The following ZNF256 variants were observed in gnomAD, a reference collection of about 807,000 sequenced individuals.
ZNF256 encodes the protein bone marrow zinc finger 3.
In ZNF256, 4 loss-of-function variants were observed where a neutral mutation model predicts 7.9. That is an observed-to-expected ratio of 0.50 (90% confidence interval 0.25 to 1.15). ZNF256 has a LOEUF of 1.15. ZNF256 is among the 50% of genes most tolerant of loss of function. The pLI, the probability that ZNF256 is intolerant of heterozygous loss-of-function variation, is 0.15. For missense variants in ZNF256, 666 were observed against 755.9 expected (o/e 0.88, Z 1.39); for synonymous variants, 260 against 260.4 (o/e 1.00, Z 0.02).
Position 57,941,665 on chromosome 19 carries a change from G to T in ZNF256, c.1143C>A (p.Cys381Ter), listed in dbSNP as rs992589178. 1.2e-6 allele frequency: 2 copies of T among 1,613,922 alleles called. No individual in the cohort carries two copies. Among genetic ancestry groups the T allele is most frequent in the Non-Finnish European group, 1.7e-6 (2 of 1,180,020 alleles). The part of the protein sequence containing the change: ...RVHTGTRPYM[C>*]SECGKSFSQS... ...GGCTAAAGGATTTCCCACATTCACT[G>T]CACATATAAGGCCTTGTACCAGTGT... Residue 381 changes from cysteine to a stop codon, truncating the protein, a stop_gained, in exon 3 of 3, where the codon TGC (cysteine) becomes TGA (stop). Coordinates refer to ENST00000282308, the MANE Select transcript of ZNF256 (RefSeq NM_005773.3). LOFTEE classifies it low-confidence loss of function (END_TRUNC).
Position 57,941,883 on chromosome 19 carries a change from C to A in ZNF256, c.925G>T (p.Asp309Tyr). ...ECGKLFNRKY[D>Y]LLIHQRVHTG... is the part of the protein sequence containing the mutation. Reference sequence around the variant, plus strand: ...TGAACTCTCTGATGTATAAGAAGGTCATACTTCCTGTTAAATAATTTTCCA... The same window carrying A: ...TGAACTCTCTGATGTATAAGAAGGTAATACTTCCTGTTAAATAATTTTCCA... The change falls in exon 3 of 3, where the codon GAC (aspartate) becomes TAC (tyrosine). Residue 309 changes from aspartate to tyrosine, a missense_variant. Physicochemically the swap from Asp to Tyr is radical, Grantham distance 160. Coordinates refer to ENST00000282308, the MANE Select transcript of ZNF256 (RefSeq NM_005773.3). 1 of 1,614,158 alleles carries A rather than the reference C, an allele frequency of 6.2e-7. No individual in the cohort carries two copies. The highest frequency in any genetic ancestry group is 8.5e-7 in the Non-Finnish European group (1 of 1,180,034).
rs768738961 is a variant in ZNF256 at position 57,944,089 on chromosome 19, A to G, written c.34-29T>C. 54 of 1,612,374 alleles carry G rather than the reference A, an allele frequency of 3.3e-5. No homozygotes were observed. In the East Asian group the frequency reaches 1.2e-3, roughly 36 times the overall value. On this transcript the variant is annotated intron_variant, in intron 1 of 2. Transcript: ENST00000282308. ...CCAGGATGGGGACACATGAAACCAC[A>G]AACGGTTCCTCCTCTCAGGATCCAT...
rs753391058 is a variant in ZNF256, at chr19:57,941,545, A to C, written c.1263T>G (p.Arg421=). 1 of 1,613,916 alleles carries C rather than the reference A, an allele frequency of 6.2e-7. No individual in the cohort carries two copies. The highest frequency in any genetic ancestry group is 8.5e-7 in the Non-Finnish European group (1 of 1,179,992). ...ECGKLFTYRS[R]FFQHQRVHTG... Reference sequence around the variant, plus strand: ...TATGAACTCTCTGGTGTTGGAAGAAACGAGATCTATAAGTAAACAATTTCC... The same window carrying C: ...TATGAACTCTCTGGTGTTGGAAGAACCGAGATCTATAAGTAAACAATTTCC... Residue 421 remains arginine, a synonymous_variant, in exon 3 of 3, where the codon CGT becomes CGG. Coordinates refer to ENST00000282308, the MANE Select transcript of ZNF256 (RefSeq NM_005773.3).
At chr19:57,946,722 C>A (rs2072768697) in intron 1 of ZNF256, among the ~76,000 whole-genome samples, 1 of 152,164 alleles carries the variant, frequency 6.6e-6, no homozygotes, top group Non-Finnish European at 1.5e-5. Context: ...CTATTACCTC[C>A]TGAAAACACA....
chr19:57,947,354 T>G, intron 1 of ZNF256, 88 bp downstream of exon 1: 1 of 1,201,828 alleles, frequency 8.3e-7, no homozygotes, highest in Non-Finnish European at 1.1e-6. Flanking sequence ...TGTCCTGTCC[T>G]GGGCAGCAGG....
rs1024344157 is a variant in ZNF256, at chr19:57,945,376, G to C, written c.34-1316C>G. Among the ~76,000 whole-genome samples, 8 of 152,254 alleles carry C rather than the reference G, an allele frequency of 5.3e-5. No homozygotes were observed. The South Asian group carries it at 1.7e-3, about 32-fold the overall frequency. On this transcript the variant is annotated intron_variant, in intron 1 of 2. Coordinates refer to ENST00000282308, the MANE Select transcript of ZNF256 (RefSeq NM_005773.3). Reference sequence around the variant, plus strand: ...CCCAGAGGAGGGGACTGGCTTGTTTGAATAACTCAAAAAATTGATAGGGAA... The same window carrying C: ...CCCAGAGGAGGGGACTGGCTTGTTTCAATAACTCAAAAAATTGATAGGGAA...
In ZNF256 at chr19:57,947,568, T is replaced by C; in HGVS notation, c.-94A>G. ...CGCCGCCGAGCCTCAGCCACGCCTC[T>C]GTGCAGCGGGGAAGACTCCTCTCGC... On this transcript the variant is annotated 5_prime_UTR_variant, in exon 1 of 3. Coordinates refer to ENST00000282308, the MANE Select transcript of ZNF256 (RefSeq NM_005773.3). 8.4e-7 allele frequency: 1 copy of C among 1,184,982 alleles called. No homozygotes were observed. The highest frequency in any genetic ancestry group is 1.1e-6 in the Non-Finnish European group (1 of 929,980). The allele number at this position is 1,184,982 out of a possible 1,614,324, so 73.4% of individuals were successfully genotyped here.
At position 57,947,579 on chromosome 19, in the gene ZNF256, G is replaced by C; in HGVS notation, c.-105C>G. The C allele has an allele frequency of 9.0e-7, 1 of 1,115,190 alleles. No homozygotes were observed. 69.1% of individuals were successfully genotyped at this position (1,115,190 alleles called of 1,614,324 possible). ...CTCAGCCACGCCTCTGTGCAGCGGGGAAGACTCCTCTCGCGCCTTCTCAGT... is the reference window on the plus strand; with the variant it reads ...CTCAGCCACGCCTCTGTGCAGCGGGCAAGACTCCTCTCGCGCCTTCTCAGT... On this transcript the variant is annotated 5_prime_UTR_variant, in exon 1 of 3. Coordinates refer to ENST00000282308, the MANE Select transcript of ZNF256 (RefSeq NM_005773.3).
At chr19:57,945,532 C>G (rs557299682) in intron 1 of ZNF256, among the ~76,000 whole-genome samples, 2 of 152,266 alleles carry the variant, frequency 1.3e-5, no homozygotes, top group African/African-American at 4.8e-5. Context: ...GTTCTCAGGC[C>G]ATCTAAGGCT....
rs748553179 is a variant in ZNF256 at position 57,941,442 on chromosome 19, C to T, written c.1366G>A (p.Val456Ile). 6.2e-7 allele frequency: 1 copy of T among 1,613,926 alleles called. No individual in the cohort carries two copies. The highest frequency in any genetic ancestry group is 8.5e-7 in the Non-Finnish European group (1 of 1,179,974). Reference sequence around the variant, plus strand: ...TCATATGGCCTTTCTCCTGTGTGAACTCTCTCATGTACAATGAGGTCAAAT... The same window carrying T: ...TCATATGGCCTTTCTCCTGTGTGAATTCTCTCATGTACAATGAGGTCAAAT... ...RKFDLIVHER[V>I]HTGERPYECS... The change falls in exon 3 of 3, where the codon GTT (valine) becomes ATT (isoleucine). Residue 456 changes from valine to isoleucine, a missense_variant. Coordinates refer to ENST00000282308, the MANE Select transcript of ZNF256 (RefSeq NM_005773.3).
Position 57,941,839 on chromosome 19 carries a change from G to C in ZNF256, c.969C>G (p.Tyr323Ter). Residue 323 changes from tyrosine to a stop codon, truncating the protein, a stop_gained, in exon 3 of 3, where the codon TAC (tyrosine) becomes TAG (stop). Transcript: ENST00000282308. LOFTEE classifies it low-confidence loss of function (END_TRUNC). ...AGGATTTCCCACATTCACTGCACTT[G>C]TAAGGCCTTTCTCCAGTATGAACTC... ...HQRVHTGERP[Y>*]KCSECGKSFS... The C allele has an allele frequency of 6.2e-7, 1 of 1,613,916 alleles. No homozygotes were observed. Among genetic ancestry groups the C allele is most frequent in the Non-Finnish European group, 8.5e-7 (1 of 1,179,958 alleles).
In ZNF256 at chr19:57,941,818, T is replaced by A. The variant is rs909686508; in HGVS notation, c.990A>T (p.Lys330Asn). The A allele has an allele frequency of 6.2e-7, 1 of 1,614,122 alleles. No homozygotes were observed. The highest frequency in any genetic ancestry group is 1.7e-5 in the Admixed American group (1 of 60,026). ...ERPYKCSECG[K>N]SFSHSSSLIT... Reference sequence around the variant, plus strand: ...TGAGGCTAGAGCTATGGCTAAAGGATTTCCCACATTCACTGCACTTGTAAG... The same window carrying A: ...TGAGGCTAGAGCTATGGCTAAAGGAATTCCCACATTCACTGCACTTGTAAG... Residue 330 changes from lysine (K) to asparagine (N), a missense_variant, in exon 3 of 3, where the codon AAA (lysine) becomes AAT (asparagine). By Grantham distance (94) the Lys-to-Asn change is moderately conservative. Coordinates refer to ENST00000282308, the MANE Select transcript of ZNF256 (RefSeq NM_005773.3).
chr19:57,942,067 AGATTT>A lies in ZNF256; in HGVS notation c.736_740del (p.Lys246PhefsTer2). ...CACTGAGGCTACAGCTTGTGCTAAA[AGATTT>A]CCCACATTCACTGCACATGTAAGAT... On this transcript the variant is annotated frameshift_variant, in exon 3 of 3. Coordinates refer to ENST00000282308, the MANE Select transcript of ZNF256 (RefSeq NM_005773.3). LOFTEE classifies it low-confidence loss of function (END_TRUNC). 1 of 1,613,742 alleles carries A rather than the reference AGATTT, an allele frequency of 6.2e-7. No homozygotes were observed. The highest frequency in any genetic ancestry group is 8.5e-7 in the Non-Finnish European group (1 of 1,179,902).
intron 1 of ZNF256, among the ~76,000 whole-genome samples, chr19:57,946,226 C>T (rs375176851): frequency 1.3e-5 from 2 of 152,154 alleles, no homozygotes; most frequent in South Asian, 4.1e-4. Context: ...AACCTTGGTG[C>T]GCACAACAGC....
chr19:57,941,700 G>A lies in ZNF256; in HGVS notation c.1108C>T (p.Gln370Ter). 6.2e-7 allele frequency: 1 copy of A among 1,613,736 alleles called. No homozygotes were observed. The highest frequency in any genetic ancestry group is 8.5e-7 in the Non-Finnish European group (1 of 1,179,926). The change falls in exon 3 of 3, where the codon CAG (glutamine) becomes TAG (stop). Residue 370 changes from glutamine to a stop codon, truncating the protein, a stop_gained. Transcript: ENST00000282308. LOFTEE classifies it low-confidence loss of function (END_TRUNC). Reference sequence around the variant, plus strand: ...GGCCTTGTACCAGTGTGAACTCTCTGGTGTGTAATAAGGCTAGAACTATGG... The same window carrying A: ...GGCCTTGTACCAGTGTGAACTCTCTAGTGTGTAATAAGGCTAGAACTATGG... ...FIHSSSLITH[Q>*]RVHTGTRPYM...
intron 1 of ZNF256, among the ~76,000 whole-genome samples, chr19:57,945,140 C>T (rs529122722): frequency 2.0e-5 from 3 of 152,154 alleles, no homozygotes; most frequent in African/African-American, 7.2e-5. Context: ...TGTGAGCTGC[C>T]CGCCTCGGCC....
At position 57,941,754 on chromosome 19, in the gene ZNF256, C is replaced by G; in HGVS notation, c.1054G>C (p.Glu352Gln). The G allele has an allele frequency of 3.7e-6, 6 of 1,613,438 alleles. No homozygotes were observed. Among genetic ancestry groups the G allele is most frequent in the Non-Finnish European group, 5.1e-6 (6 of 1,179,848 alleles). ...QRIHTGMRPY[E>Q]CSECGKSFIH... Reference sequence around the variant, plus strand: ...AAAGATTTCCCACATTCACTGCACTCATAAGGCCTCATTCCAGTATGAATT... The same window carrying G: ...AAAGATTTCCCACATTCACTGCACTGATAAGGCCTCATTCCAGTATGAATT... The change falls in exon 3 of 3, where the codon GAG becomes CAG. Residue 352 changes from glutamate (E) to glutamine (Q), a missense_variant. By Grantham distance (29) the Glu-to-Gln change is conservative. Transcript: ENST00000282308.
Position 57,940,969 on chromosome 19 carries a change from G to C in ZNF256, c.1839C>G (p.Thr613=). The C allele has an allele frequency of 6.2e-7, 1 of 1,614,108 alleles. No homozygotes were observed. Among genetic ancestry groups the C allele is most frequent in the South Asian group, 1.1e-5 (1 of 91,080 alleles). The change falls in exon 3 of 3, where the codon ACC becomes ACG. Residue 613 remains threonine (T), a synonymous_variant. Transcript: ENST00000282308. ...GATGTTTTAGGAGGTTGGAGTTGAA[G>C]GTAAAAAATTTTCCACAGTCACTAC... ...YECSDCGKFF[T]FNSNLLKHQN...
intron 2 of ZNF256, 36 bp downstream of exon 2, chr19:57,943,898 T>G (rs753489411): frequency 1.2e-6 from 2 of 1,609,692 alleles, no homozygotes; most frequent in Non-Finnish European, 1.7e-6. Context: ...GAGCAAAGGC[T>G]AGCTCGGGGC....
Sources: allele counts gnomAD v4.1 joint callset (sites outside exome capture counted in the v4.1 genomes callset), GRCh38; gene constraint gnomAD v4.1.1; transcripts MANE v1.5; gene names NCBI Gene and HGNC (gene_info 2026-07-23, HGNC 2026-07-21).